Variants in GPM6A observed in about 807,000 individuals in gnomAD.
GPM6A encodes neuronal membrane glycoprotein M6-a.
GPM6A carries 7 observed loss-of-function variants against 32.1 expected under a neutral mutation model. That is an observed-to-expected ratio of 0.22 (90% CI 0.12 to 0.41). The LOEUF (loss-of-function observed/expected upper bound fraction) is 0.41. Ranked by LOEUF, GPM6A falls within the 10% of genes least tolerant of loss-of-function variation. GPM6A has a pLI of 1.00. For missense variants in GPM6A, 235 were observed against 347.2 expected (o/e 0.68, Z 2.57); for synonymous variants, 130 against 123.4 (o/e 1.05, Z -0.35).
upstream of GPM6A, chr4:175,812,301 G>GTGTTTT (rs1560946618): frequency 1.3e-6 from 1 of 792,192 alleles, no homozygotes; most frequent in Admixed American, 4.5e-5. Context: ...AAAACTGGGG[G>GTGTTTT]TTTTTTTTTT....
chr4:175,777,692 T>C (rs1476646281), intron 1 of GPM6A, among the ~76,000 whole-genome samples: 3 of 152,072 alleles, frequency 2.0e-5, no homozygotes, highest in Non-Finnish European at 1.5e-5. Flanking sequence ...ATTAATTTAC[T>C]AACAGGATAT....
At chr4:175,855,703 T>C (rs1296147463) in intron 1 of GPM6A, among the ~76,000 whole-genome samples, 2 of 152,196 alleles carry the variant, frequency 1.3e-5, no homozygotes, top group African/African-American at 4.8e-5. Context: ...AGTGGAAATT[T>C]ATAAATCAGC....
intron 1 of GPM6A, among the ~76,000 whole-genome samples, chr4:175,765,497 C>A (rs150665039): frequency 9.9e-5 from 15 of 152,230 alleles, no homozygotes; most frequent in African/African-American, 3.6e-4. Flanking sequence ...GGATATCCAT[C>A]GCCTCAAACA....
At chr4:175,638,296 A>G (rs77376283) in intron 6 of GPM6A, among the ~76,000 whole-genome samples, 4 of 152,012 alleles carry the variant, frequency 2.6e-5, no homozygotes, top group Non-Finnish European at 5.9e-5. Flanking sequence ...CAGTAGTTAT[A>G]TTTTACCTGT....
chr4:175,975,214 GC>G (rs1740624344), intron 1 of GPM6A, among the ~76,000 whole-genome samples: 1 of 152,138 alleles, frequency 6.6e-6, no homozygotes, highest in Non-Finnish European at 1.5e-5. Flanking sequence ...GCATTAATAA[GC>G]CCCCTTGGAA....
At position 175,673,689 on chromosome 4, in the gene GPM6A, C is replaced by T. The variant is rs764716972; in HGVS notation, c.378G>A (p.Val126=). The change falls in exon 3 of 7, where the codon GTG becomes GTA. Residue 126 remains valine, a synonymous_variant. Coordinates refer to ENST00000393658, the MANE Select transcript of GPM6A (RefSeq NM_201591.3). The part of the protein sequence containing the change: ...DFKITTCGRC[V]SAWFIMLTYL... The stretch of plus-strand genomic sequence containing the variant: ...TAGAGAACTAACATACCCAAGCGCT[C>T]ACACATCTGCCACAAGTGGTGATTT... 4 of 1,608,232 alleles carry T rather than the reference C, an allele frequency of 2.5e-6. No individual in the cohort carries two copies. The South Asian group carries it at 4.4e-5, about 18-fold the overall frequency.
At chr4:175,976,328 A>ATTTTTCTTTTT (rs1740660361) in intron 1 of GPM6A, among the ~76,000 whole-genome samples, 1 of 137,340 alleles carries the variant, frequency 7.3e-6, no homozygotes, top group African/African-American at 3.0e-5. Context: ...CGCCTGGCTA[A>ATTTTTCTTTTT]TTTTTTTTTT....
chr4:175,658,630 G>T (rs1742223869), intron 3 of GPM6A, among the ~76,000 whole-genome samples: 2 of 152,194 alleles, frequency 1.3e-5, no homozygotes, highest in Non-Finnish European at 1.5e-5. Flanking sequence ...TGCCATTCTG[G>T]TGGTGGTGAG....
intron 1 of GPM6A, among the ~76,000 whole-genome samples, chr4:175,975,790 A>C (rs17062323): frequency 0.053 from 8,083 of 152,302 alleles, 536 homozygotes; most frequent in African/African-American, 0.16. Flanking sequence ...TAATCATAGA[A>C]TCTTCAGTGT....
intron 4 of GPM6A, among the ~76,000 whole-genome samples, chr4:175,650,574 G>C (rs967838778): frequency 3.3e-5 from 5 of 151,974 alleles, no homozygotes; most frequent in African/African-American, 9.7e-5. Flanking sequence ...CAAAGTGCTG[G>C]GATTACAGGT....
At chr4:175,766,650 A>G (rs1297484249) in intron 1 of GPM6A, among the ~76,000 whole-genome samples, 1 of 138,692 alleles carries the variant, frequency 7.2e-6, no homozygotes, top group Non-Finnish European at 1.5e-5. Context: ...GCCTCCACTT[A>G]CTCTTTTTTT....
intron 4 of GPM6A, among the ~76,000 whole-genome samples, chr4:175,649,135 A>C (rs1741638752): frequency 6.6e-6 from 1 of 152,180 alleles, no homozygotes; most frequent in Non-Finnish European, 1.5e-5. Flanking sequence ...CTGGGTAGCT[A>C]TATCCCTGGA....
intron 1 of GPM6A, among the ~76,000 whole-genome samples, chr4:175,975,587 T>C (rs1017393769): frequency 9.9e-5 from 15 of 152,226 alleles, no homozygotes; most frequent in African/African-American, 3.6e-4. Flanking sequence ...ATTGCACTAA[T>C]GCCTCTAGAA....
chr4:175,851,773 C>A (rs971952339), intron 1 of GPM6A, among the ~76,000 whole-genome samples: 2 of 152,126 alleles, frequency 1.3e-5, no homozygotes, highest in South Asian at 2.1e-4. Context: ...ATTTGCATTC[C>A]GTGTTTTGTT....
At chr4:175,860,344 A>G (rs934271407) in intron 1 of GPM6A, among the ~76,000 whole-genome samples, 3 of 152,160 alleles carry the variant, frequency 2.0e-5, no homozygotes, top group Admixed American at 2.0e-4. Context: ...CAAATTACCA[A>G]TATTAGAAAT....
intron 1 of GPM6A, among the ~76,000 whole-genome samples, chr4:175,936,705 A>C (rs1054680520): frequency 4.6e-5 from 7 of 152,178 alleles, no homozygotes; most frequent in South Asian, 2.1e-4. Flanking sequence ...AAGAAAAAAA[A>C]CCCATAAAAA....
chr4:175,655,210 AAGTT>A (rs1433562394), intron 3 of GPM6A, among the ~76,000 whole-genome samples: 2 of 152,116 alleles, frequency 1.3e-5, no homozygotes, highest in Non-Finnish European at 2.9e-5. Context: ...ATTAATGCAT[AAGTT>A]TTGTTCTAGA....
At chr4:175,645,988 T>C (rs1180071996) in intron 4 of GPM6A, among the ~76,000 whole-genome samples, 1 of 152,178 alleles carries the variant, frequency 6.6e-6, no homozygotes, top group African/African-American at 2.4e-5. Flanking sequence ...TCAGCAACAA[T>C]GGATCTTTTC....
rs772253744 is a variant in GPM6A, at chr4:175,801,681, G to T, written c.37+10510C>A. ...ATACTTTAAAGACTATGGAATGCCTGGGGGGACACAGGCATGGGTAATACA... is the reference window on the plus strand; with the variant it reads ...ATACTTTAAAGACTATGGAATGCCTTGGGGGACACAGGCATGGGTAATACA... On this transcript the variant is annotated intron_variant, in intron 1 of 6. Transcript: ENST00000393658. Among the ~76,000 whole-genome samples, 55 of 152,000 alleles carry T rather than the reference G, an allele frequency of 3.6e-4. 1 individual carries two copies. The highest frequency in any genetic ancestry group is 1.0e-4 in the Non-Finnish European group (7 of 67,920).
Sources: gnomAD v4.1 joint callset for allele counts (sites outside exome capture counted in the v4.1 genomes callset) on GRCh38, gnomAD v4.1.1 for gene constraint, MANE v1.5 for transcripts, NCBI Gene and HGNC (gene_info 2026-07-23, HGNC 2026-07-21) for gene names.